The following RDX variants were observed in gnomAD, a reference collection of about 807,000 sequenced individuals.
RDX encodes deafness, autosomal recessive 24.
RDX carries 32 observed loss-of-function variants against 83.7 expected under a neutral mutation model. The observed-to-expected ratio is 0.38, with a 90% CI of 0.29 to 0.51. The LOEUF is 0.51. Ranked by LOEUF, RDX falls within the 20% of genes least tolerant of loss-of-function variation. The pLI is 0.87. For missense variants in RDX, 600 were observed against 689.9 expected (o/e 0.87, Z 1.46); for synonymous variants, 229 against 222.7 (o/e 1.03, Z -0.25).
chr11:110,268,366 A>G (rs1320854772), intron 3 of RDX, among the ~76,000 whole-genome samples: 4 of 152,186 alleles, frequency 2.6e-5, no homozygotes, highest in Admixed American at 1.3e-4. Context: ...GTGGAATATA[A>G]AGTCTCATAC....
chr11:110,185,668 A>C (rs1862972852), intron 15 of RDX: 1 of 152,294 alleles, frequency 6.6e-6, no homozygotes. Flanking sequence ...TGAAGCTGTC[A>C]GACCACCTTC....
At chr11:110,189,242 GTAAAAAA>G (rs1314280802) in intron 15 of RDX, among the ~76,000 whole-genome samples, 2 of 37,992 alleles carry the variant, frequency 5.3e-5, no homozygotes, top group African/African-American at 2.5e-4. Flanking sequence ...TGAACAACAG[GTAAAAAA>G]AAAAAAAAAA....
intron 5 of RDX, among the ~76,000 whole-genome samples, chr11:110,259,381 C>G (rs902075026): frequency 6.6e-6 from 1 of 152,108 alleles, no homozygotes; most frequent in African/African-American, 2.4e-5. Flanking sequence ...CTTTATTTAC[C>G]AGATCCTACT....
intron 1 of RDX, among the ~76,000 whole-genome samples, chr11:110,284,282 T>C (rs58925039): frequency 0.017 from 2,590 of 152,222 alleles, 89 homozygotes; most frequent in East Asian, 0.14. Flanking sequence ...AAACTAAATA[T>C]AAAAGAAAGT....
chr11:110,187,752 C>T (rs903589425), intron 15 of RDX, among the ~76,000 whole-genome samples: 2 of 152,374 alleles, frequency 1.3e-5, no homozygotes, highest in East Asian at 1.9e-4. Context: ...TGTCCACCCA[C>T]CCATCTTGGT....
chr11:110,249,512 G>A (rs1267808330), intron 9 of RDX, among the ~76,000 whole-genome samples: 1 of 152,146 alleles, frequency 6.6e-6, no homozygotes, highest in Non-Finnish European at 1.5e-5. Context: ...CACTGATGGT[G>A]ACCTCCTAGT....
chr11:110,244,938 G>A (rs980652386), intron 10 of RDX, among the ~76,000 whole-genome samples: 11 of 150,890 alleles, frequency 7.3e-5, no homozygotes, highest in African/African-American at 2.7e-4. Context: ...TGAGAAATAC[G>A]TATATTACTG....
At chr11:110,213,791 A>G (rs1863925594) in intron 14 of RDX, among the ~76,000 whole-genome samples, 1 of 14,406 alleles carries the variant, frequency 6.9e-5, no homozygotes, top group Non-Finnish European at 1.3e-4. Context: ...AGCCATATGT[A>G]GAAAGCTGAA....
chr11:110,196,310 T>G (rs944995877), intron 15 of RDX: 3 of 152,296 alleles, frequency 2.0e-5, no homozygotes, highest in Admixed American at 2.0e-4. Flanking sequence ...TTAGTCATGG[T>G]TAGTTGATGG....
intron 14 of RDX, among the ~76,000 whole-genome samples, chr11:110,208,724 T>C (rs1417562713): frequency 6.6e-6 from 1 of 152,128 alleles, no homozygotes; most frequent in Non-Finnish European, 1.5e-5. Context: ...TTTGGGAGGC[T>C]GTCAGGCGGA....
chr11:110,259,069 CA>C (rs1217403025), intron 5 of RDX, among the ~76,000 whole-genome samples: 1 of 151,598 alleles, frequency 6.6e-6, no homozygotes, highest in Non-Finnish European at 1.5e-5. Context: ...AGGCGTGCGC[CA>C]TAATGCCTGG....
At chr11:110,285,234 A>G (rs1176740826) in intron 1 of RDX, among the ~76,000 whole-genome samples, 1 of 151,640 alleles carries the variant, frequency 6.6e-6, no homozygotes, top group African/African-American at 2.4e-5. Flanking sequence ...TAAAAATACA[A>G]AAAATTAGCT....
intron 2 of RDX, among the ~76,000 whole-genome samples, chr11:110,279,382 C>T (rs1361553865): frequency 3.3e-5 from 5 of 152,042 alleles, no homozygotes; most frequent in East Asian, 1.9e-4. Flanking sequence ...AAAAATTAGC[C>T]GGGCATGATG....
At chr11:110,246,331 C>T (rs889769980) in intron 10 of RDX, among the ~76,000 whole-genome samples, 4 of 152,212 alleles carry the variant, frequency 2.6e-5, no homozygotes, top group African/African-American at 9.6e-5. Flanking sequence ...TTATTCTACT[C>T]ATTGCTCAAG....
intron 14 of RDX, among the ~76,000 whole-genome samples, chr11:110,202,027 G>A (rs1370915327): frequency 6.6e-6 from 1 of 151,722 alleles, no homozygotes; most frequent in Non-Finnish European, 1.5e-5. Context: ...TAATCCGCCC[G>A]CCTTGGCCTC....
At chr11:110,257,174 A>T (rs1383765363) in intron 7 of RDX, among the ~76,000 whole-genome samples, 1 of 151,272 alleles carries the variant, frequency 6.6e-6, no homozygotes, top group Non-Finnish European at 1.5e-5. Flanking sequence ...TACATATATT[A>T]TACATATAAT....
intron 14 of RDX, among the ~76,000 whole-genome samples, chr11:110,222,841 A>C (rs1193486518): frequency 6.6e-6 from 1 of 152,156 alleles, no homozygotes; most frequent in Non-Finnish European, 1.5e-5. Flanking sequence ...ACAGGGATTT[A>C]TATTGTACCT....
chr11:110,293,323 A>T (rs1262235159), intron 1 of RDX, among the ~76,000 whole-genome samples: 1 of 152,170 alleles, frequency 6.6e-6, no homozygotes, highest in Non-Finnish European at 1.5e-5. Context: ...GAGGACTTTG[A>T]CCTTTTCCTT....
chr11:110,275,101 T>C (rs922803125), intron 2 of RDX, among the ~76,000 whole-genome samples: 1 of 152,204 alleles, frequency 6.6e-6, no homozygotes, highest in Non-Finnish European at 1.5e-5. Context: ...GACAATTCAG[T>C]TAGCAGAAAA....
Sources: gnomAD v4.1 joint callset for allele counts (sites outside exome capture counted in the v4.1 genomes callset) on GRCh38, gnomAD v4.1.1 for gene constraint, MANE v1.5 for transcripts, NCBI Gene and HGNC (gene_info 2026-07-23, HGNC 2026-07-21) for gene names.